The following SLC25A30 variants were observed in gnomAD, a reference collection of about 807,000 sequenced individuals.
The protein encoded by SLC25A30 is kidney mitochondrial carrier protein 1.
SLC25A30 carries 29 observed loss-of-function variants against 42.7 expected under a neutral mutation model. The observed-to-expected ratio is 0.68, with a 90% CI of 0.51 to 0.93. The LOEUF is 0.93. SLC25A30 is among the 40% of genes least tolerant of loss of function. The probability of loss-of-function intolerance (pLI) is 0.00; values close to 1 mark genes in which losing one functional copy is unlikely to be tolerated. For missense variants in SLC25A30, 300 were observed against 359.7 expected, an observed-to-expected ratio of 0.83 and a Z score of 1.34; for synonymous variants, 124 against 131.0, an observed-to-expected ratio of 0.95 and a Z score of 0.37.
chr13:45,420,478 T>C (rs180808596), upstream of SLC25A30: 1 of 152,386 alleles, frequency 6.6e-6, no homozygotes. Context: ...TGACCCTTTC[T>C]ACCTCTCTCT....
In SLC25A30 at chr13:45,411,345, C is replaced by T; in HGVS notation, c.64+17G>A. ...ACATACAGCAGGCTACGTGATCCAC[C>T]ACCCTCAGGTCCTTACCGCACTCAG... On this transcript the variant is annotated intron_variant, in intron 2 of 9. Transcript: ENST00000519676. 3.1e-6 allele frequency: 5 copies of T among 1,596,696 alleles called. No homozygotes were observed. The highest frequency in any genetic ancestry group is 4.3e-6 in the Non-Finnish European group (5 of 1,164,074).
the SLC25A30 span, among the ~76,000 whole-genome samples, chr13:45,428,146 C>G: frequency 6.6e-6 from 1 of 152,084 alleles, no homozygotes; most frequent in African/African-American, 2.4e-5. Flanking sequence ...TACCTTCATC[C>G]CTGGGCATTT....
upstream of SLC25A30, among the ~76,000 whole-genome samples, chr13:45,419,605 CA>C (rs1883825855): frequency 6.6e-6 from 1 of 151,208 alleles, no homozygotes; most frequent in Non-Finnish European, 1.5e-5. Context: ...AGGTGTGAGC[CA>C]CGGCACCCGG....
the SLC25A30 span, among the ~76,000 whole-genome samples, chr13:45,425,450 A>G: frequency 9.1e-6 from 1 of 109,476 alleles, no homozygotes; most frequent in African/African-American, 3.5e-5. Context: ...ATATAAATAT[A>G]TAAGTGTATA....
At chr13:45,423,940 T>C in the SLC25A30 span, among the ~76,000 whole-genome samples, 2 of 83,614 alleles carry the variant, frequency 2.4e-5, no homozygotes, top group African/African-American at 4.8e-5. Context: ...TATATAAATA[T>C]ATAAAAAAAT....
chr13:45,425,642 A>G, the SLC25A30 span, among the ~76,000 whole-genome samples: 4 of 107,192 alleles, frequency 3.7e-5, no homozygotes, highest in African/African-American at 9.6e-5. Context: ...ATATATAAAT[A>G]TATATATAAG....
chr13:45,397,352 A>G lies in SLC25A30; in HGVS notation c.754-14T>C, dbSNP rs573986907. ...ATTCTTCCATGTCTGTTAAAAGAAG[A>G]AAAAAAAGTTAACTTCCAACTTTCT... On this transcript the variant is annotated splice_polypyrimidine_tract_variant and intron_variant, in intron 8 of 9. Transcript: ENST00000519676. 39 of 1,576,582 alleles carry G rather than the reference A, an allele frequency of 2.5e-5. No individual in the cohort carries two copies. Among genetic ancestry groups the G allele is most frequent in the Middle Eastern group, 1.7e-4 (1 of 5,984 alleles).
At chr13:45,401,439 C>T (rs1482485444) in intron 6 of SLC25A30, among the ~76,000 whole-genome samples, 1 of 152,106 alleles carries the variant, frequency 6.6e-6, no homozygotes, top group African/African-American at 2.4e-5. Flanking sequence ...AGACTTTGGC[C>T]AGGACAAGTC....
At position 45,408,908 on chromosome 13, in the gene SLC25A30, T is replaced by C. The variant is rs1245146620; in HGVS notation, c.212+19A>G. 2 of 1,587,914 alleles carry C rather than the reference T, an allele frequency of 1.3e-6. No individual in the cohort carries two copies. Among genetic ancestry groups the C allele is most frequent in the Non-Finnish European group, 1.7e-6 (2 of 1,166,328 alleles). On this transcript the variant is annotated intron_variant, in intron 3 of 9. Transcript: ENST00000519676. ...GAAACAGTGAACAGTGACACAGAAA[T>C]GCATGAAGGCCTACTCACCCCGAGT...
At chr13:45,425,222 G>A in the SLC25A30 span, among the ~76,000 whole-genome samples, 1 of 99,282 alleles carries the variant, frequency 1.0e-5, no homozygotes, top group African/African-American at 4.2e-5. Flanking sequence ...ATATACGTAT[G>A]TATATAAATA....
At chr13:45,419,018 C>T (rs1357033772), upstream of SLC25A30, among the ~76,000 whole-genome samples, 1 of 126,870 alleles carries the variant, frequency 7.9e-6, no homozygotes, top group Non-Finnish European at 1.6e-5. Flanking sequence ...GTAATCCCAG[C>T]CACTCGGGAG....
chr13:45,422,494 T>A (rs117697415), upstream of SLC25A30, among the ~76,000 whole-genome samples: 712 of 152,246 alleles, frequency 4.7e-3, 5 homozygotes, highest in Middle Eastern at 0.02. Flanking sequence ...TCTTTATCAT[T>A]ATATTTTATT....
chr13:45,417,702 C>A (rs1437179627), intron 1 of SLC25A30, among the ~76,000 whole-genome samples: 1 of 152,204 alleles, frequency 6.6e-6, no homozygotes, highest in Admixed American at 6.5e-5. Flanking sequence ...CAGGGCAGTG[C>A]CAACATTGTT....
chr13:45,427,725 T>C, the SLC25A30 span, among the ~76,000 whole-genome samples: 4 of 152,182 alleles, frequency 2.6e-5, no homozygotes, highest in South Asian at 8.3e-4. Context: ...AGTTTTCCCT[T>C]GGCCCCCTAC....
At chr13:45,426,851 C>T in the SLC25A30 span, among the ~76,000 whole-genome samples, 10 of 152,208 alleles carry the variant, frequency 6.6e-5, no homozygotes, top group East Asian at 7.7e-4. Context: ...AGGTTCCCTA[C>T]GAGGATAATT....
the SLC25A30 span, among the ~76,000 whole-genome samples, chr13:45,423,888 T>TAAAAAAA: frequency 1.1e-3 from 96 of 83,564 alleles, 1 homozygote; most frequent in Non-Finnish European, 1.8e-3. Flanking sequence ...TAAAAATATA[T>TAAAAAAA]ATATAAATAT....
intron 3 of SLC25A30, 142 bp downstream of exon 3, chr13:45,408,785 A>G: frequency 1.6e-6 from 1 of 634,378 alleles, no homozygotes; most frequent in Non-Finnish European, 2.4e-6. Context: ...GTTGAAATTA[A>G]AAGTGAAAAA....
At chr13:45,424,360 TGA>T in the SLC25A30 span, among the ~76,000 whole-genome samples, 1 of 59,624 alleles carries the variant, frequency 1.7e-5, no homozygotes, top group Non-Finnish European at 2.8e-5. Context: ...TATAGATACA[TGA>T]AAATATATAT....
At position 45,408,946 on chromosome 13, in the gene SLC25A30, G is replaced by A. The variant is rs761654563; in HGVS notation, c.193C>T (p.Leu65=). Residue 65 remains leucine (L), a synonymous_variant, in exon 3 of 10, where the codon CTG becomes TTG. Coordinates refer to ENST00000519676, the MANE Select transcript of SLC25A30 (RefSeq NM_001010875.4). Reference sequence around the variant, plus strand: ...ACTCACCCCGAGTAGAGTGCTTTCAGCCCTTCTTCTCTGCCTATCCTCACT... The same window carrying A: ...ACTCACCCCGAGTAGAGTGCTTTCAACCCTTCTTCTCTGCCTATCCTCACT... ...ALVRIGREEG[L]KALYSGIAPA... 2 of 1,609,930 alleles carry A rather than the reference G, an allele frequency of 1.2e-6. No individual in the cohort carries two copies. Among genetic ancestry groups the A allele is most frequent in the South Asian group, 2.2e-5 (2 of 89,952 alleles).
Sources: allele counts gnomAD v4.1 joint callset (sites outside exome capture counted in the v4.1 genomes callset), GRCh38; gene constraint gnomAD v4.1.1; transcripts MANE v1.5; gene names NCBI Gene and HGNC (gene_info 2026-07-23, HGNC 2026-07-21).